The following RIN2 variants were observed in gnomAD, a reference collection of about 807,000 sequenced individuals.
The protein encoded by RIN2 is Ras and Rab interactor 2.
In RIN2, 36 loss-of-function variants were observed where a neutral mutation model predicts 78.0. The observed-to-expected ratio is 0.46, with a 90% confidence interval of 0.35 to 0.61. The LOEUF (loss-of-function observed/expected upper bound fraction) is 0.61, where lower values mean the gene tolerates loss of function less well. Ranked by LOEUF, RIN2 falls within the 20% of genes least tolerant of loss-of-function variation. The pLI, the probability that RIN2 is intolerant of heterozygous loss-of-function variation, is 0.00. For synonymous variants in RIN2, 466 were observed against 466.8 expected, an observed-to-expected ratio of 1.00 and a Z score of 0.02; for missense variants, 1,087 against 1,159.7, an observed-to-expected ratio of 0.94 and a Z score of 0.91.
At chr20:19,767,695 C>G (rs568894354) in intron 1 of RIN2, among the ~76,000 whole-genome samples, 1 of 151,906 alleles carries the variant, frequency 6.6e-6, no homozygotes, top group African/African-American at 2.4e-5. Context: ...GGGGCTAAGG[C>G]GGGTGGATCA....
At chr20:19,998,707 C>G (rs1033498869) in intron 12 of RIN2, among the ~76,000 whole-genome samples, 2 of 152,152 alleles carry the variant, frequency 1.3e-5, no homozygotes, top group African/African-American at 4.8e-5. Context: ...CCTTCTGGAG[C>G]GCATAAACCT....
In RIN2 at chr20:19,862,314, G is replaced by A. The variant is rs115462640; in HGVS notation, c.-36-27252G>A. 6.6e-3 allele frequency among the ~76,000 whole-genome samples: 1,009 copies of A among 152,234 alleles called. 15 individuals are homozygous for A. The highest frequency in any genetic ancestry group is 0.022 in the African/African-American group (932 of 41,530). On this transcript the variant is annotated intron_variant, in intron 2 of 12. Coordinates refer to ENST00000255006, the MANE Select transcript of RIN2 (RefSeq NM_018993.4). ...ACTGCATTCAGAGTTGAACTTGGCC[G>A]GGCGTGTTGGCTCACACCAGTAATC...
intron 3 of RIN2, among the ~76,000 whole-genome samples, chr20:19,924,003 C>CCCCCACCTTCGTAT (rs1237274661): frequency 8.1e-6 from 1 of 123,382 alleles, no homozygotes; most frequent in South Asian, 3.1e-4. Flanking sequence ...CACCTTTATA[C>CCCCCACCTTCGTAT]CCCCACCTTC....
chr20:19,826,260 A>G (rs1430703355), intron 2 of RIN2, among the ~76,000 whole-genome samples: 1 of 152,198 alleles, frequency 6.6e-6, no homozygotes, highest in African/African-American at 2.4e-5. Context: ...CTAATAATAA[A>G]TAATTATGAG....
At chr20:19,946,211 G>A (rs1306994097) in intron 4 of RIN2, among the ~76,000 whole-genome samples, 1 of 152,180 alleles carries the variant, frequency 6.6e-6, no homozygotes, top group African/African-American at 2.4e-5. Context: ...TGACCAGAGT[G>A]GAATGGGGTA....
At chr20:19,990,422 AT>A (rs2042763457) in intron 10 of RIN2, 111 bp downstream of exon 10, 1 of 1,037,496 alleles carries the variant, frequency 9.6e-7, no homozygotes, top group Non-Finnish European at 1.4e-6. Flanking sequence ...TGGTCTCTTG[AT>A]TTCACCAAGT....
chr20:19,961,866 A>G (rs2041763896), intron 6 of RIN2, among the ~76,000 whole-genome samples: 1 of 152,218 alleles, frequency 6.6e-6, no homozygotes, highest in African/African-American at 2.4e-5. Flanking sequence ...ATGTAAATAC[A>G]TTAGGATGCA....
chr20:19,802,995 AGT>A (rs2035294510), intron 2 of RIN2, among the ~76,000 whole-genome samples: 1 of 152,178 alleles, frequency 6.6e-6, no homozygotes, highest in African/African-American at 2.4e-5. Flanking sequence ...TCCTGCCCTC[AGT>A]GCAATAGAAC....
intron 1 of RIN2, among the ~76,000 whole-genome samples, chr20:19,794,581 GAAT>G (rs1253508740): frequency 4.8e-5 from 7 of 144,882 alleles, no homozygotes; most frequent in African/African-American, 1.8e-4. Flanking sequence ...AGGTAATGAT[GAAT>G]AACGTTCATA....
At chr20:19,868,983 G>A (rs1315332722) in intron 2 of RIN2, among the ~76,000 whole-genome samples, 1 of 149,516 alleles carries the variant, frequency 6.7e-6, no homozygotes. Context: ...TCGGGAGGCA[G>A]AGACAGGAGA....
At chr20:19,855,642 A>G (rs2037139439) in intron 2 of RIN2, among the ~76,000 whole-genome samples, 1 of 152,166 alleles carries the variant, frequency 6.6e-6, no homozygotes, top group Non-Finnish European at 1.5e-5. Flanking sequence ...TGAAGTTTCC[A>G]TCAACCAACC....
intron 3 of RIN2, among the ~76,000 whole-genome samples, chr20:19,892,731 A>G (rs6106150): frequency 0.031 from 4,717 of 152,296 alleles, 255 homozygotes; most frequent in African/African-American, 0.11. Context: ...TTATTCCGTA[A>G]TTAGTCACCA....
At chr20:19,827,757 A>G (rs982192449) in intron 2 of RIN2, among the ~76,000 whole-genome samples, 1 of 151,548 alleles carries the variant, frequency 6.6e-6, no homozygotes, top group Non-Finnish European at 1.5e-5. Context: ...CAGCTGATGT[A>G]AATTAATTGC....
intron 12 of RIN2, among the ~76,000 whole-genome samples, chr20:19,999,290 T>C: frequency 6.6e-6 from 1 of 151,606 alleles, no homozygotes; most frequent in African/African-American, 2.4e-5. Flanking sequence ...AAAAAAAAGG[T>C]TCAAAGAGTG....
At chr20:19,973,298 C>T (rs1451997464) in intron 8 of RIN2, among the ~76,000 whole-genome samples, 1 of 152,108 alleles carries the variant, frequency 6.6e-6, no homozygotes, top group Non-Finnish European at 1.5e-5. Flanking sequence ...TGTTGGCTTT[C>T]TTGTTGGACA....
At chr20:19,913,919 AT>A (rs930661929) in intron 3 of RIN2, among the ~76,000 whole-genome samples, 3 of 152,228 alleles carry the variant, frequency 2.0e-5, no homozygotes, top group South Asian at 4.1e-4. Flanking sequence ...AAGGAAGATT[AT>A]TTTTTTCTCT....
chr20:19,995,702 G>A (rs921761009), intron 11 of RIN2, among the ~76,000 whole-genome samples: 6 of 152,170 alleles, frequency 3.9e-5, no homozygotes, highest in Non-Finnish European at 8.8e-5. Flanking sequence ...GGGTAAGAAA[G>A]GGAATCAAGG....
At chr20:19,915,968 G>A (rs1348857299) in intron 3 of RIN2, among the ~76,000 whole-genome samples, 2 of 152,286 alleles carry the variant, frequency 1.3e-5, no homozygotes, top group Non-Finnish European at 2.9e-5. Context: ...CTGGCCGAGC[G>A]CTGTGGCTCA....
intron 9 of RIN2, among the ~76,000 whole-genome samples, chr20:19,978,595 T>A (rs1387182196): frequency 6.6e-6 from 1 of 152,206 alleles, no homozygotes; most frequent in Admixed American, 6.5e-5. Flanking sequence ...TGTTCTCTCA[T>A]GGAGAATTTG....
Sources: allele counts gnomAD v4.1 joint callset (sites outside exome capture counted in the v4.1 genomes callset), GRCh38; gene constraint gnomAD v4.1.1; transcripts MANE v1.5; gene names NCBI Gene and HGNC (gene_info 2026-07-23, HGNC 2026-07-21).